UBE2H: variants seen among roughly 807,000 people sequenced by gnomAD.
UBE2H encodes ubiquitin-conjugating enzyme E2 H.
In UBE2H, 3 loss-of-function variants were observed where a neutral mutation model predicts 29.0. The observed-to-expected ratio is 0.10, with a 90% CI of 0.05 to 0.27. UBE2H has a LOEUF of 0.27. Ranked by LOEUF, UBE2H falls within the 10% of genes least tolerant of loss-of-function variation. The probability of loss-of-function intolerance (pLI) is 1.00; values close to 1 mark genes in which losing one functional copy is unlikely to be tolerated. For synonymous variants in UBE2H, 69 were observed against 82.9 expected (o/e 0.83, Z 0.91); for missense variants, 68 against 228.2 (o/e 0.30, Z 4.52).
intron 1 of UBE2H, among the ~76,000 whole-genome samples, chr7:129,882,256 A>G (rs1023876907): frequency 6.6e-6 from 1 of 152,230 alleles, no homozygotes; most frequent in Admixed American, 6.5e-5. Context: ...TAGGAATTTT[A>G]GGTGACAGAG....
At chr7:129,947,482 A>T (rs555443703) in intron 1 of UBE2H, among the ~76,000 whole-genome samples, 1 of 152,356 alleles carries the variant, frequency 6.6e-6, no homozygotes, top group South Asian at 2.1e-4. Context: ...CAAATTAAAG[A>T]GTAACAAAGA....
chr7:129,877,650 A>G (rs1049730872), intron 3 of UBE2H, among the ~76,000 whole-genome samples: 1 of 152,220 alleles, frequency 6.6e-6, no homozygotes, highest in African/African-American at 2.4e-5. Context: ...ACAATTATGA[A>G]GAAGTTAAAT....
chr7:129,930,362 T>C (rs1584793200), intron 1 of UBE2H, among the ~76,000 whole-genome samples: 1 of 152,232 alleles, frequency 6.6e-6, no homozygotes, highest in African/African-American at 2.4e-5. Flanking sequence ...GGTTTCTCCA[T>C]GTTGCTCAAG....
At chr7:129,836,470 C>T (rs1490561482) in intron 6 of UBE2H, among the ~76,000 whole-genome samples, 2 of 152,196 alleles carry the variant, frequency 1.3e-5, no homozygotes, top group Admixed American at 6.5e-5. Context: ...ACGGCCGAGG[C>T]AGTCCCAGCC....
In UBE2H at chr7:129,921,048, A is replaced by C. The variant is rs371173970; in HGVS notation, c.53+31455T>G. Among the ~76,000 whole-genome samples the C allele has an allele frequency of 4.0e-5, 6 of 151,636 alleles. No individual in the cohort carries two copies. The East Asian group carries it at 9.7e-4, about 25-fold the overall frequency. On this transcript the variant is annotated intron_variant, in intron 1 of 6. Coordinates refer to ENST00000355621, the MANE Select transcript of UBE2H (RefSeq NM_003344.4). ...ATAGTTCCAAATCAATATATATTAC[A>C]CGTGATTTTTTTTTTTAAAGCTAAC...
chr7:129,874,393 T>TACGCCTCCTAGGTTC (rs964509172), intron 3 of UBE2H, among the ~76,000 whole-genome samples: 1 of 151,794 alleles, frequency 6.6e-6, no homozygotes, highest in Non-Finnish European at 1.5e-5. Flanking sequence ...CCCTGCAGGC[T>TACGCCTCCTAGGTTC]ACGCCTCCTA....
chr7:129,880,856 G>A (rs1189234533), intron 2 of UBE2H, 39 bp downstream of exon 2: 2 of 1,545,024 alleles, frequency 1.3e-6, no homozygotes, highest in East Asian at 2.3e-5. Flanking sequence ...CAGAGTAAAA[G>A]ACTGTAATAG....
At chr7:129,924,246 C>T (rs1807219991) in intron 1 of UBE2H, among the ~76,000 whole-genome samples, 1 of 152,116 alleles carries the variant, frequency 6.6e-6, no homozygotes, top group Non-Finnish European at 1.5e-5. Flanking sequence ...CACAATACTC[C>T]ATCTAATTCC....
chr7:129,861,083 AGT>A (rs1805791977), intron 3 of UBE2H, among the ~76,000 whole-genome samples: 1 of 151,908 alleles, frequency 6.6e-6, no homozygotes. Context: ...AAATTAGCTG[AGT>A]GTGGTGGCGT....
intron 6 of UBE2H, among the ~76,000 whole-genome samples, chr7:129,836,680 G>A (rs1336739946): frequency 6.6e-6 from 1 of 152,006 alleles, no homozygotes; most frequent in Non-Finnish European, 1.5e-5. Context: ...AGGACTTCGA[G>A]ACCAGCCTGG....
chr7:129,890,277 A>ATG, intron 1 of UBE2H, among the ~76,000 whole-genome samples: 1 of 151,572 alleles, frequency 6.6e-6, no homozygotes, highest in East Asian at 1.9e-4. Flanking sequence ...ATACACACGT[A>ATG]TATATATACA....
Position 129,909,118 on chromosome 7 carries a change from T to C in UBE2H, c.54-28147A>G, listed in dbSNP as rs558178760. Among the ~76,000 whole-genome samples, 11 of 152,166 alleles carry C rather than the reference T, an allele frequency of 7.2e-5. 1 individual carries two copies. The highest frequency in any genetic ancestry group is 1.6e-4 in the Non-Finnish European group (11 of 68,038). On this transcript the variant is annotated intron_variant, in intron 1 of 6. Transcript: ENST00000355621. ...TTAATTGAGACACTAAAACCATCATTTGAACCTCATTGCAACTGGAGCCCC... is the reference window on the plus strand; with the variant it reads ...TTAATTGAGACACTAAAACCATCATCTGAACCTCATTGCAACTGGAGCCCC...
At chr7:129,905,244 G>A (rs1806792565) in intron 1 of UBE2H, among the ~76,000 whole-genome samples, 2 of 151,834 alleles carry the variant, frequency 1.3e-5, no homozygotes, top group South Asian at 4.2e-4. Flanking sequence ...CTAGATAGGG[G>A]AGAAAAGGAG....
At chr7:129,911,234 G>A (rs1014897968) in intron 1 of UBE2H, among the ~76,000 whole-genome samples, 6 of 152,046 alleles carry the variant, frequency 3.9e-5, no homozygotes, top group African/African-American at 1.4e-4. Context: ...CAGGCATGGT[G>A]GCACACACCT....
At chr7:129,880,575 AT>A (rs1379678577) in intron 2 of UBE2H, among the ~76,000 whole-genome samples, 1 of 152,204 alleles carries the variant, frequency 6.6e-6, no homozygotes, top group Non-Finnish European at 1.5e-5. Context: ...TGTGTTAGCT[AT>A]TACAAGTAAT....
At chr7:129,854,124 T>C (rs1805664929) in intron 5 of UBE2H, among the ~76,000 whole-genome samples, 1 of 148,428 alleles carries the variant, frequency 6.7e-6, no homozygotes. Flanking sequence ...TGAACTAAGA[T>C]TCTCTCAGGA....
chr7:129,856,432 G>C (rs1376459618), intron 5 of UBE2H, among the ~76,000 whole-genome samples: 2 of 152,000 alleles, frequency 1.3e-5, no homozygotes, highest in African/African-American at 4.8e-5. Context: ...ACACACACCC[G>C]ATAGCCCTTA....
At chr7:129,914,353 G>T (rs1003341895) in intron 1 of UBE2H, among the ~76,000 whole-genome samples, 1 of 152,048 alleles carries the variant, frequency 6.6e-6, no homozygotes, top group African/African-American at 2.4e-5. Context: ...TTTTAGTAGA[G>T]ATGGGGTTTT....
rs1805297285 is a variant in UBE2H at position 129,835,073 on chromosome 7, G to A, written c.428-12C>T. On this transcript the variant is annotated splice_polypyrimidine_tract_variant and intron_variant, in intron 6 of 6. Transcript: ENST00000355621. ...TTTCTGGATGTACTCTGCACGGGGT[G>A]GGAGAAAGACAACAAGGGCAGTGAG... 6.2e-7 allele frequency: 1 copy of A among 1,613,734 alleles called. No homozygotes were observed. The highest frequency in any genetic ancestry group is 1.3e-5 in the African/African-American group (1 of 74,884).
Sources: gnomAD v4.1 joint callset for allele counts (sites outside exome capture counted in the v4.1 genomes callset) on GRCh38, gnomAD v4.1.1 for gene constraint, MANE v1.5 for transcripts, NCBI Gene and HGNC (gene_info 2026-07-23, HGNC 2026-07-21) for gene names.